Variants in B3GALT1 observed in about 807,000 individuals in gnomAD.
B3GALT1 encodes the protein beta-1,3-galactosyltransferase 1.
B3GALT1 carries 10 observed loss-of-function variants against 23.2 expected under a neutral mutation model. The observed-to-expected ratio is 0.43, with a 90% confidence interval of 0.27 to 0.73. B3GALT1 has a LOEUF of 0.73. Among genes scored for constraint, B3GALT1 ranks in the 30% least tolerant of loss-of-function variants. B3GALT1 has a pLI of 0.21. For synonymous variants in B3GALT1, 156 were observed against 141.5 expected (o/e 1.10, Z -0.73); for missense variants, 299 against 405.4 (o/e 0.74, Z 2.25).
chr2:167,643,798 C>G (rs115141691), intron 2 of B3GALT1, among the ~76,000 whole-genome samples: 1 of 152,120 alleles, frequency 6.6e-6, no homozygotes. Context: ...TATAGGTTGG[C>G]GAACCTCAGA....
chr2:167,655,661 G>A (rs1215588253), intron 3 of B3GALT1, among the ~76,000 whole-genome samples: 1 of 152,144 alleles, frequency 6.6e-6, no homozygotes, highest in South Asian at 2.1e-4. Context: ...ATCTTTATCT[G>A]TGTGGTACAG....
intron 2 of B3GALT1, among the ~76,000 whole-genome samples, chr2:167,525,982 G>A (rs1683212843): frequency 6.6e-6 from 1 of 151,918 alleles, no homozygotes; most frequent in South Asian, 2.1e-4. Context: ...TTTGTTCCTT[G>A]AGCACTTCTT....
intron 1 of B3GALT1, among the ~76,000 whole-genome samples, chr2:167,442,498 G>A (rs1698910929): frequency 6.6e-6 from 1 of 151,712 alleles, no homozygotes. Flanking sequence ...CCCACCAACA[G>A]TGTAAAAGTG....
chr2:167,606,368 A>G (rs1684962290), intron 2 of B3GALT1, among the ~76,000 whole-genome samples: 1 of 152,222 alleles, frequency 6.6e-6, no homozygotes, highest in Non-Finnish European at 1.5e-5. Flanking sequence ...TAAAATATGC[A>G]TAGACATCTA....
In B3GALT1 at chr2:167,530,889, A is replaced by C. The variant is rs150246081; in HGVS notation, c.-410+40612A>C. 3.3e-3 allele frequency among the ~76,000 whole-genome samples: 504 copies of C among 152,270 alleles called. 5 individuals carry two copies. Among genetic ancestry groups the C allele is most frequent in the South Asian group, 7.0e-3 (34 of 4,832 alleles). On this transcript the variant is annotated intron_variant, in intron 2 of 4. Coordinates refer to ENST00000392690, the MANE Select transcript of B3GALT1 (RefSeq NM_020981.4). Reference sequence around the variant, plus strand: ...GAAATAGAAAATTACTTCTGCATACAATCTGCTTAGGTAGATTAGCCTGCA... The same window carrying C: ...GAAATAGAAAATTACTTCTGCATACCATCTGCTTAGGTAGATTAGCCTGCA...
intron 3 of B3GALT1, among the ~76,000 whole-genome samples, chr2:167,756,779 C>T (rs148192185): frequency 2.0e-5 from 3 of 152,294 alleles, no homozygotes; most frequent in African/African-American, 4.8e-5. Context: ...AGAAACTATG[C>T]GGATGTCCAA....
At chr2:167,713,389 G>T (rs1271777838) in intron 3 of B3GALT1, among the ~76,000 whole-genome samples, 3 of 152,090 alleles carry the variant, frequency 2.0e-5, no homozygotes, top group Non-Finnish European at 4.4e-5. Context: ...CTATAAAATG[G>T]AAATCACATG....
chr2:167,715,245 T>C, intron 3 of B3GALT1: 1 of 1,614,006 alleles, frequency 6.2e-7, no homozygotes. Context: ...TGATCTTTCA[T>C]CATTGGCAAG....
At chr2:167,459,270 A>G (rs1699219899) in intron 1 of B3GALT1, among the ~76,000 whole-genome samples, 1 of 151,968 alleles carries the variant, frequency 6.6e-6, no homozygotes, top group Non-Finnish European at 1.5e-5. Flanking sequence ...TTCCTTTTGC[A>G]TATTTTCTAT....
chr2:167,716,019 A>G, intron 3 of B3GALT1: 1 of 1,610,488 alleles, frequency 6.2e-7, no homozygotes, highest in Non-Finnish European at 8.5e-7. Context: ...TAGCTCCTCC[A>G]GGACCAGCCC....
intron 3 of B3GALT1, among the ~76,000 whole-genome samples, chr2:167,703,915 C>T (rs544395991): frequency 2.6e-4 from 40 of 152,264 alleles, no homozygotes; most frequent in Admixed American, 2.1e-3. Context: ...GGCGCGGTGG[C>T]TCACACCTGT....
At chr2:167,505,391 A>G (rs192724866) in intron 2 of B3GALT1, among the ~76,000 whole-genome samples, 169 of 152,356 alleles carry the variant, frequency 1.1e-3, no homozygotes, top group African/African-American at 3.8e-3. Flanking sequence ...TCTAAAAACA[A>G]TAGACTTGTG....
At chr2:167,389,109 A>G (rs1487104485) in intron 1 of B3GALT1, among the ~76,000 whole-genome samples, 2 of 152,212 alleles carry the variant, frequency 1.3e-5, no homozygotes, top group Non-Finnish European at 2.9e-5. Flanking sequence ...GAGAGCCAGT[A>G]TATTATATAA....
chr2:167,550,099 G>A (rs1228566268), intron 2 of B3GALT1, among the ~76,000 whole-genome samples: 2 of 152,096 alleles, frequency 1.3e-5, no homozygotes, highest in African/African-American at 2.4e-5. Flanking sequence ...TACGTTAACC[G>A]TAACAGTTGG....
chr2:167,796,353 A>G (rs965054819), intron 3 of B3GALT1, among the ~76,000 whole-genome samples: 2 of 152,212 alleles, frequency 1.3e-5, no homozygotes, highest in African/African-American at 4.8e-5. Flanking sequence ...TCTGCCTTAT[A>G]TCCTTGAAAT....
At chr2:167,683,980 T>C (rs921246308) in intron 3 of B3GALT1, among the ~76,000 whole-genome samples, 1 of 152,184 alleles carries the variant, frequency 6.6e-6, no homozygotes, top group African/African-American at 2.4e-5. Flanking sequence ...TTCTTACTCA[T>C]CCTTCACATG....
At chr2:167,597,509 G>C (rs1434112657) in intron 2 of B3GALT1, among the ~76,000 whole-genome samples, 2 of 152,172 alleles carry the variant, frequency 1.3e-5, no homozygotes, top group African/African-American at 4.8e-5. Flanking sequence ...TGTAAAATCA[G>C]AATGAAATAG....
chr2:167,820,764 C>T lies in B3GALT1; in HGVS notation c.-230+1971C>T, dbSNP rs528160166. Reference sequence around the variant, plus strand: ...CTTTAAGACAAAAAGCGTTAAGCTTCGCTGATTTGTAAAATTGAAAGATAG... The same window carrying T: ...CTTTAAGACAAAAAGCGTTAAGCTTTGCTGATTTGTAAAATTGAAAGATAG... On this transcript the variant is annotated intron_variant, in intron 4 of 4. Transcript: ENST00000392690. 8.5e-5 allele frequency among the ~76,000 whole-genome samples: 13 copies of T among 152,278 alleles called. No homozygotes were observed. The South Asian group carries it at 1.9e-3, about 22-fold the overall frequency.
intron 2 of B3GALT1, among the ~76,000 whole-genome samples, chr2:167,571,313 C>T (rs1268274255): frequency 2.6e-5 from 4 of 151,900 alleles, no homozygotes; most frequent in African/African-American, 7.2e-5. Context: ...GTGCACCTCT[C>T]CAATGATTTA....
Sources: allele counts gnomAD v4.1 joint callset (sites outside exome capture counted in the v4.1 genomes callset), GRCh38; gene constraint gnomAD v4.1.1; transcripts MANE v1.5; gene names NCBI Gene and HGNC (gene_info 2026-07-23, HGNC 2026-07-21).